EPHB2: variants seen among roughly 807,000 people sequenced by gnomAD.
EPHB2 encodes EPH receptor B2.
A neutral mutation model predicts 96.4 loss-of-function variants in EPHB2; 18 were observed. The observed-to-expected ratio is 0.19, with a 90% confidence interval of 0.13 to 0.28. The LOEUF (loss-of-function observed/expected upper bound fraction) is 0.28. EPHB2 is among the 10% of genes least tolerant of loss of function. EPHB2 has a pLI of 1.00. For missense variants in EPHB2, 989 were observed against 1,355.4 expected, an observed-to-expected ratio of 0.73 and a Z score of 4.25; for synonymous variants, 506 against 534.1, an observed-to-expected ratio of 0.95 and a Z score of 0.72.
chr1:22,759,469 TG>T (rs966636677), intron 1 of EPHB2, among the ~76,000 whole-genome samples: 1 of 152,126 alleles, frequency 6.6e-6, no homozygotes, highest in African/African-American at 2.4e-5. Flanking sequence ...CCCCAAGGGA[TG>T]GTGGGATTTC....
chr1:22,837,913 T>TCCCTTTCTAGGCCTCCCCC lies in EPHB2; in HGVS notation c.812-25123_812-25105dup, dbSNP rs1408521517. Among the ~76,000 whole-genome samples the TCCCTTTCTAGGCCTCCCCC allele has an allele frequency of 4.4e-3, 665 of 152,194 alleles. 7 individuals are homozygous for TCCCTTTCTAGGCCTCCCCC. The highest frequency in any genetic ancestry group is 6.5e-3 in the Non-Finnish European group (439 of 67,974). Reference sequence around the variant, plus strand: ...TGCTTGGGTCTAATGACCCCTTCCCTCCCTTTCTAGGCCTCCCCCAAAGAG... The same window carrying TCCCTTTCTAGGCCTCCCCC: ...TGCTTGGGTCTAATGACCCCTTCCCTCCCTTTCTAGGCCTCCCCCCCCTTTCTAGGCCTCCCCCAAAGAG... On this transcript the variant is annotated intron_variant, in intron 3 of 15. Transcript: ENST00000374630.
At chr1:22,789,517 G>A (rs1282777994) in intron 3 of EPHB2, among the ~76,000 whole-genome samples, 4 of 152,184 alleles carry the variant, frequency 2.6e-5, no homozygotes, top group South Asian at 2.1e-4. Context: ...AGGGCACAGC[G>A]GGAGAGGGGA....
chr1:22,885,525 G>C (rs551303458), intron 6 of EPHB2, among the ~76,000 whole-genome samples: 2 of 152,370 alleles, frequency 1.3e-5, no homozygotes, highest in Admixed American at 1.3e-4. Flanking sequence ...TGCTAAGCAC[G>C]TCACCTCTAG....
chr1:22,740,368 G>A (rs1239352981), intron 1 of EPHB2, among the ~76,000 whole-genome samples: 3 of 152,132 alleles, frequency 2.0e-5, no homozygotes, highest in Admixed American at 1.3e-4. Context: ...ACCCAATCAG[G>A]GTGTTTTCCA....
chr1:22,915,679 T>TCTTATGTA lies in EPHB2; in HGVS notation c.*2113_*2114insTGTACTTA, dbSNP rs1347990783. On this transcript the variant is annotated 3_prime_UTR_variant, in exon 16 of 16. Transcript: ENST00000374630. Reference sequence around the variant, plus strand: ...AGCTGTCATAGTGGGAACGTGAGGGTCTTAGAGTGCTCATGTACCCCCAGG... The same window carrying TCTTATGTA: ...AGCTGTCATAGTGGGAACGTGAGGGTCTTATGTACTTAGAGTGCTCATGTACCCCCAGG... 6.6e-6 allele frequency: 1 copy of TCTTATGTA among 152,080 alleles called. No individual in the cohort carries two copies. Among genetic ancestry groups the TCTTATGTA allele is most frequent in the African/African-American group, 2.4e-5 (1 of 41,370 alleles). 9.4% of individuals were successfully genotyped at this position (152,080 alleles called of 1,614,324 possible).
At position 22,892,980 on chromosome 1, in the gene EPHB2, C is replaced by T. The variant is rs1406555949; in HGVS notation, c.1525C>T (p.Arg509Trp). Residue 509 changes from arginine (R) to tryptophan (W), a missense_variant, in exon 7 of 16, where the codon CGG (arginine) becomes TGG (tryptophan). Transcript: ENST00000374630. ...CGGCGCCATCTATGTCTTCCAGGTG[C>T]GGGCACGCACCGTGGCAGGTTACGG... ...KAGAIYVFQVRARTVAGYGRY... is the reference protein window; with the variant it reads ...KAGAIYVFQVWARTVAGYGRY... The T allele has an allele frequency of 3.1e-6, 5 of 1,614,208 alleles. No homozygotes were observed. Among genetic ancestry groups the T allele is most frequent in the Non-Finnish European group, 4.2e-6 (5 of 1,180,012 alleles).
intron 1 of EPHB2, among the ~76,000 whole-genome samples, chr1:22,761,437 AAAAT>A (rs1287646041): frequency 6.6e-6 from 1 of 152,188 alleles, no homozygotes; most frequent in African/African-American, 2.4e-5. Context: ...TATAATGAAA[AAAAT>A]AAATAACAGA....
Position 22,913,686 on chromosome 1 carries a change from C to T in EPHB2, c.*116C>T. 1 of 1,603,658 alleles carries T rather than the reference C, an allele frequency of 6.2e-7. No individual in the cohort carries two copies. The highest frequency in any genetic ancestry group is 8.5e-7 in the Non-Finnish European group (1 of 1,175,214). ...CAGCCACTCGCCAGGAGGCCACGGG[C>T]CACGGGAAGAACCAAGCGGTGCCAG... On this transcript the variant is annotated 3_prime_UTR_variant, in exon 16 of 16. Transcript: ENST00000374630. This position sits in a 1 kb window ranked among gnomAD's most constrained non-coding sequence, Gnocchi z 4.1.
Position 22,749,240 on chromosome 1 carries a change from C to T in EPHB2, c.62-32181C>T, listed in dbSNP as rs557775476. 3.3e-5 allele frequency among the ~76,000 whole-genome samples: 5 copies of T among 152,202 alleles called. No individual in the cohort carries two copies. The South Asian group carries it at 8.3e-4, about 25-fold the overall frequency. On this transcript the variant is annotated intron_variant, in intron 1 of 15. Coordinates refer to ENST00000374630, the MANE Select transcript of EPHB2 (RefSeq NM_017449.5). Reference sequence around the variant, plus strand: ...TTCACCAGGTTGGCCAGGCTGGTCTCGAACTCCTGACCTCAAGCGATCTGC... The same window carrying T: ...TTCACCAGGTTGGCCAGGCTGGTCTTGAACTCCTGACCTCAAGCGATCTGC...
chr1:22,886,689 C>T (rs1380718633), intron 6 of EPHB2, among the ~76,000 whole-genome samples: 6 of 144,936 alleles, frequency 4.1e-5, no homozygotes, highest in Non-Finnish European at 4.5e-5. Context: ...TGCAGTGGCA[C>T]AATCTCGGCT....
chr1:22,850,972 T>C (rs143756796), intron 3 of EPHB2, among the ~76,000 whole-genome samples: 126 of 152,166 alleles, frequency 8.3e-4, no homozygotes, highest in African/African-American at 2.9e-3. Flanking sequence ...GGCTATTGTT[T>C]TGTGGGTTTT....
rs1341596391 is a variant in EPHB2, at chr1:22,908,021, G to A, written c.2205G>A (p.Lys735=). ...TTCGGGGCATCGCAGCTGGCATGAA[G>A]TACCTGGCAGACATGAACTATGTTC... is the stretch of plus-strand genomic sequence containing the variant. ...GMLRGIAAGM[K]YLADMNYVHR... Residue 735 remains lysine (K), a synonymous_variant, in exon 12 of 16, where the codon AAG becomes AAA. Transcript: ENST00000374630. 1.2e-6 allele frequency: 2 copies of A among 1,614,254 alleles called. No homozygotes were observed. The highest frequency in any genetic ancestry group is 2.2e-5 in the East Asian group (1 of 44,892).
chr1:22,762,975 C>A (rs1040302542), intron 1 of EPHB2, among the ~76,000 whole-genome samples: 1 of 152,150 alleles, frequency 6.6e-6, no homozygotes, highest in Non-Finnish European at 1.5e-5. Flanking sequence ...TGACCAGCCA[C>A]CACGCAGACC....
At chr1:22,827,415 G>T (rs1295388758) in intron 3 of EPHB2, among the ~76,000 whole-genome samples, 1 of 152,232 alleles carries the variant, frequency 6.6e-6, no homozygotes, top group Non-Finnish European at 1.5e-5. Context: ...CTCGTCCCCA[G>T]TGTATTCTCC....
chr1:22,905,961 T>C (rs765472938), intron 9 of EPHB2, 26 bp from the exon 10 acceptor site: 29 of 1,614,044 alleles, frequency 1.8e-5, no homozygotes, highest in Non-Finnish European at 2.5e-5. Flanking sequence ...TCAGTCCATA[T>C]GACAGAGCCT....
intron 1 of EPHB2, among the ~76,000 whole-genome samples, chr1:22,749,281 A>G (rs1420935639): frequency 2.0e-5 from 3 of 152,096 alleles, no homozygotes; most frequent in South Asian, 2.1e-4. Context: ...TTGGCTTCCC[A>G]AAGTACTGGG....
At chr1:22,891,477 A>G (rs1040032670) in intron 6 of EPHB2, among the ~76,000 whole-genome samples, 2 of 152,262 alleles carry the variant, frequency 1.3e-5, no homozygotes, top group South Asian at 4.1e-4. Flanking sequence ...CTCCAAGGCC[A>G]GGGCCTGTGC....
intron 5 of EPHB2, among the ~76,000 whole-genome samples, chr1:22,879,548 AC>A (rs1638962808): frequency 6.6e-6 from 1 of 152,146 alleles, no homozygotes; most frequent in African/African-American, 2.4e-5. Flanking sequence ...CTGCTTTGAG[AC>A]CCAGAGGGGG....
chr1:22,769,688 G>A (rs992389608), intron 1 of EPHB2, among the ~76,000 whole-genome samples: 2 of 152,190 alleles, frequency 1.3e-5, no homozygotes, highest in Non-Finnish European at 2.9e-5. Context: ...GATTACAGGC[G>A]TGAGCCACCA....
Sources: gnomAD v4.1 joint callset for allele counts (sites outside exome capture counted in the v4.1 genomes callset) on GRCh38, gnomAD v4.1.1 for gene constraint, Gnocchi (gnomAD v3.1) non-coding constraint, MANE v1.5 for transcripts, NCBI Gene and HGNC (gene_info 2026-07-23, HGNC 2026-07-21) for gene names.